STARD13: variants seen among roughly 807,000 people sequenced by gnomAD.
STARD13 encodes stAR-related lipid transfer protein 13.
A neutral mutation model predicts 106.4 loss-of-function variants in STARD13; 62 were observed. The ratio of observed to expected loss-of-function variants is 0.58; its 90% CI spans 0.48 to 0.72. STARD13 has a LOEUF of 0.72. STARD13 is among the 30% of genes least tolerant of loss of function. The pLI, the probability that STARD13 is intolerant of heterozygous loss-of-function variation, is 0.00. For missense variants in STARD13, 1,387 were observed against 1,424.0 expected (o/e 0.97, Z 0.42); for synonymous variants, 565 against 553.0 (o/e 1.02, Z -0.31).
At chr13:33,506,059 T>C in the STARD13 span, among the ~76,000 whole-genome samples, 3 of 152,184 alleles carry the variant, frequency 2.0e-5, no homozygotes, top group Non-Finnish European at 2.9e-5. Flanking sequence ...GTCACTGTAC[T>C]CTTCAGTGAC....
At chr13:33,381,309 G>A in the STARD13 span, among the ~76,000 whole-genome samples, 3 of 151,992 alleles carry the variant, frequency 2.0e-5, no homozygotes, top group Non-Finnish European at 4.4e-5. Context: ...CCTACAAAAC[G>A]CCTATTAAAC....
intron 1 of STARD13, among the ~76,000 whole-genome samples, chr13:33,270,337 T>C (rs189860921): frequency 2.6e-5 from 4 of 152,284 alleles, no homozygotes; most frequent in African/African-American, 7.2e-5. Context: ...GAAGCAAATA[T>C]AGTTATATTT....
the STARD13 span, among the ~76,000 whole-genome samples, chr13:33,504,941 T>A: frequency 2.0e-5 from 3 of 152,108 alleles, no homozygotes; most frequent in Admixed American, 2.0e-4. Flanking sequence ...TGCAGAAAAG[T>A]CCTTCAGCTA....
chr13:33,479,960 G>A, the STARD13 span, among the ~76,000 whole-genome samples: 11 of 152,130 alleles, frequency 7.2e-5, no homozygotes, highest in African/African-American at 2.4e-4. Flanking sequence ...GTGGAACCAT[G>A]AGCCAATTAA....
chr13:33,352,937 A>G (rs1489166681), upstream of STARD13, among the ~76,000 whole-genome samples: 1 of 152,194 alleles, frequency 6.6e-6, no homozygotes, highest in Admixed American at 6.5e-5. Context: ...ATTAGGAGAA[A>G]AGAACTCAGG....
At chr13:33,240,156 T>C (rs147929250) in intron 1 of STARD13, among the ~76,000 whole-genome samples, 1 of 152,212 alleles carries the variant, frequency 6.6e-6, no homozygotes, top group African/African-American at 2.4e-5. Context: ...TTTCTCATTA[T>C]GTAGTCTTGA....
At chr13:33,452,490 T>C in the STARD13 span, among the ~76,000 whole-genome samples, 2 of 152,244 alleles carry the variant, frequency 1.3e-5, no homozygotes, top group Non-Finnish European at 2.9e-5. Flanking sequence ...ACCTGTCTTC[T>C]GTCCTCATGC....
At chr13:33,291,315 G>A (rs375018813) in intron 1 of STARD13, among the ~76,000 whole-genome samples, 8 of 152,326 alleles carry the variant, frequency 5.3e-5, no homozygotes, top group East Asian at 1.9e-4. Context: ...ATGTTTTTGT[G>A]TAGTCTCACG....
intron 3 of STARD13, among the ~76,000 whole-genome samples, chr13:33,144,103 C>T (rs1450429162): frequency 6.6e-6 from 1 of 152,158 alleles, no homozygotes; most frequent in Non-Finnish European, 1.5e-5. Flanking sequence ...TTTTTACTCT[C>T]CATGGCCTTA....
chr13:33,648,410 G>A, the STARD13 span, among the ~76,000 whole-genome samples: 1 of 152,192 alleles, frequency 6.6e-6, no homozygotes, highest in Admixed American at 6.5e-5. Flanking sequence ...TCAAATCGTA[G>A]CTCTGCCACT....
chr13:33,513,043 C>T, the STARD13 span, among the ~76,000 whole-genome samples: 7 of 152,306 alleles, frequency 4.6e-5, no homozygotes, highest in East Asian at 1.4e-3. Flanking sequence ...ATATTGTCTA[C>T]AGCTGCTCTC....
chr13:33,487,209 T>C, the STARD13 span, among the ~76,000 whole-genome samples: 1 of 152,206 alleles, frequency 6.6e-6, no homozygotes, highest in East Asian at 1.9e-4. Flanking sequence ...TTAGGACTCT[T>C]TTAGCACAAA....
chr13:33,247,552 A>T (rs1315178381), intron 1 of STARD13, among the ~76,000 whole-genome samples: 1 of 152,048 alleles, frequency 6.6e-6, no homozygotes, highest in Non-Finnish European at 1.5e-5. Context: ...ATTAGATATA[A>T]TATATATTTC....
intron 1 of STARD13, among the ~76,000 whole-genome samples, chr13:33,297,577 T>C (rs1051488133): frequency 6.6e-6 from 1 of 150,542 alleles, no homozygotes; most frequent in Admixed American, 6.6e-5. Flanking sequence ...TTGTGTGGTA[T>C]AGACTATGAT....
chr13:33,514,968 T>C, the STARD13 span, among the ~76,000 whole-genome samples: 1 of 152,036 alleles, frequency 6.6e-6, no homozygotes, highest in Non-Finnish European at 1.5e-5. Context: ...CCTCGGAAAG[T>C]GTGTGGTTTT....
At chr13:33,672,802 T>C in the STARD13 span, among the ~76,000 whole-genome samples, 13 of 152,306 alleles carry the variant, frequency 8.5e-5, no homozygotes, top group African/African-American at 3.1e-4. Flanking sequence ...TTTGATGAAA[T>C]TACTTTCGAC....
the STARD13 span, among the ~76,000 whole-genome samples, chr13:33,489,738 G>T: frequency 6.6e-6 from 1 of 152,164 alleles, no homozygotes; most frequent in Non-Finnish European, 1.5e-5. Context: ...CATTTGAAAA[G>T]CTCAAGAAAC....
At chr13:33,169,050 T>C (rs970611367) in intron 1 of STARD13, among the ~76,000 whole-genome samples, 4 of 152,182 alleles carry the variant, frequency 2.6e-5, no homozygotes, top group African/African-American at 9.7e-5. Flanking sequence ...TTGAGATTTG[T>C]CTCTTGTGTG....
chr13:33,411,678 C>T, the STARD13 span, among the ~76,000 whole-genome samples: 1 of 152,130 alleles, frequency 6.6e-6, no homozygotes, highest in Admixed American at 6.5e-5. Context: ...TTACTGTCTC[C>T]ATAGTTTTCC....
Sources: allele counts gnomAD v4.1 joint callset (sites outside exome capture counted in the v4.1 genomes callset), GRCh38; gene constraint gnomAD v4.1.1; transcripts MANE v1.5; gene names NCBI Gene and HGNC (gene_info 2026-07-23, HGNC 2026-07-21).